Variants in SAFB2 observed in about 807,000 individuals in gnomAD.
SAFB2 encodes scaffold attachment factor B2.
Under a neutral mutation model 100.6 loss-of-function variants are expected in SAFB2, and 32 were observed. The observed-to-expected ratio is 0.32, with a 90% CI of 0.24 to 0.43. The LOEUF (loss-of-function observed/expected upper bound fraction) is 0.43. Among genes scored for constraint, SAFB2 ranks in the 20% least tolerant of loss-of-function variants. The pLI is 1.00. For synonymous variants in SAFB2, 500 were observed against 439.4 expected (o/e 1.14, Z -1.72); for missense variants, 1,185 against 1,163.4 (o/e 1.02, Z -0.27).
intron 2 of SAFB2, among the ~76,000 whole-genome samples, chr19:5,620,843 C>A (rs893603221): frequency 6.6e-6 from 1 of 152,164 alleles, no homozygotes; most frequent in Admixed American, 6.5e-5. Context: ...CCTTCACATT[C>A]AAAAACCGTA....
chr19:5,587,585 G>A lies in SAFB2; in HGVS notation c.2705+116C>T, dbSNP rs1015380902. The A allele has an allele frequency of 2.1e-6, 3 of 1,451,622 alleles. No homozygotes were observed. The highest frequency in any genetic ancestry group is 2.9e-5 in the African/African-American group (2 of 69,984). 89.9% of individuals were successfully genotyped at this position (1,451,622 alleles called of 1,614,324 possible). On this transcript the variant is annotated intron_variant, in intron 20 of 20. Transcript: ENST00000252542. The surrounding 1 kb of genome is among the most constrained non-coding windows in gnomAD (Gnocchi z 4.9). ...TTATTTGCATAAATTGCAAAGAGCT[G>A]CTTTTTGCTTTGTTTTCATAACATC...
At chr19:5,601,093 C>G (rs972190295) in intron 11 of SAFB2, among the ~76,000 whole-genome samples, 1 of 152,204 alleles carries the variant, frequency 6.6e-6, no homozygotes, top group East Asian at 1.9e-4. Context: ...GGAAGCCTCT[C>G]TGATTGCCCC....
chr19:5,593,754 T>C, intron 15 of SAFB2, 137 bp downstream of exon 15: 1 of 924,942 alleles, frequency 1.1e-6, no homozygotes, highest in Non-Finnish European at 1.5e-6. Context: ...CGGCGGGGGG[T>C]CCCCAAGGCG....
chr19:5,587,926 G>A lies in SAFB2; in HGVS notation c.2580C>T (p.Arg860=), dbSNP rs374459619. Residue 860 remains arginine, a synonymous_variant, in exon 19 of 21, where the codon CGC becomes CGT. Coordinates refer to ENST00000252542, the MANE Select transcript of SAFB2 (RefSeq NM_014649.3). The surrounding 1 kb of genome is among the most constrained non-coding windows in gnomAD (Gnocchi z 4.9). ...CTGCGTCCATGGCACCCTGCCAGGC[G>A]CGTGCCTGGTGCTCCTCTAGCCGCT... The part of the protein sequence containing the change: ...HNQRLEEHQA[R]AWQGAMDAGA... 1.8e-5 allele frequency: 29 copies of A among 1,612,704 alleles called. No individual in the cohort carries two copies. The highest frequency in any genetic ancestry group is 8.3e-5 in the Admixed American group (5 of 59,978).
In SAFB2 at chr19:5,598,673, C is replaced by T. The variant is rs1046684718; in HGVS notation, c.1782+120G>A. ...GTATCCGCAATCTACACAATTATCGCGCCTCCTACAAACTTCAATTTTAAA... is the reference window on the plus strand; with the variant it reads ...GTATCCGCAATCTACACAATTATCGTGCCTCCTACAAACTTCAATTTTAAA... On this transcript the variant is annotated intron_variant, in intron 13 of 20. Transcript: ENST00000252542. The T allele has an allele frequency of 6.7e-5, 54 of 803,396 alleles. 1 individual carries two copies. Among genetic ancestry groups the T allele is most frequent in the South Asian group, 5.5e-4 (36 of 65,862 alleles). 49.8% of individuals were successfully genotyped at this position (803,396 alleles called of 1,614,324 possible).
At chr19:5,591,861 G>A in intron 16 of SAFB2, 68 bp from the exon 17 acceptor site, 4 of 1,478,894 alleles carry the variant, frequency 2.7e-6, no homozygotes, top group Non-Finnish European at 3.8e-6. Context: ...GGTCAGGCAA[G>A]TTTCGCGACT....
At chr19:5,601,242 C>G (rs996712853) in intron 11 of SAFB2, among the ~76,000 whole-genome samples, 1 of 152,208 alleles carries the variant, frequency 6.6e-6, no homozygotes, top group African/African-American at 2.4e-5. Flanking sequence ...TAAATCATCT[C>G]ATCTCCTCTC....
At chr19:5,593,317 A>T (rs1457589103) in intron 15 of SAFB2, among the ~76,000 whole-genome samples, 1 of 152,246 alleles carries the variant, frequency 6.6e-6, no homozygotes, top group Non-Finnish European at 1.5e-5. Context: ...GGTGATAGTG[A>T]ACTACACACA....
At chr19:5,601,116 C>T (rs1177979911) in intron 11 of SAFB2, among the ~76,000 whole-genome samples, 1 of 152,156 alleles carries the variant, frequency 6.6e-6, no homozygotes, top group Non-Finnish European at 1.5e-5. Flanking sequence ...CTCCTCTGCC[C>T]TTCTCAACCT....
chr19:5,605,072 A>G (rs983359416), intron 9 of SAFB2, 136 bp from the exon 10 acceptor site: 5 of 974,876 alleles, frequency 5.1e-6, no homozygotes, highest in African/African-American at 4.9e-5. Context: ...TAGTTACTGA[A>G]TTGGTTCTAA....
intron 9 of SAFB2, among the ~76,000 whole-genome samples, chr19:5,608,542 T>C (rs1233788945): frequency 1.3e-5 from 2 of 152,322 alleles, no homozygotes; most frequent in African/African-American, 4.8e-5. Flanking sequence ...CCGGGTCCTG[T>C]CCGCTTCTTA....
intron 4 of SAFB2, chr19:5,613,731 G>C: frequency 2.0e-6 from 2 of 985,468 alleles, no homozygotes; most frequent in Non-Finnish European, 2.4e-6. Context: ...GTCTCTGGCA[G>C]TGGCCTGCAG....
intron 2 of SAFB2, among the ~76,000 whole-genome samples, chr19:5,620,711 C>T (rs1237608182): frequency 3.9e-5 from 6 of 152,166 alleles, no homozygotes; most frequent in African/African-American, 1.2e-4. Context: ...GACCGGGTTT[C>T]CTTTTTGGGT....
chr19:5,601,580 C>T (rs1163798650), intron 11 of SAFB2, among the ~76,000 whole-genome samples: 1 of 151,932 alleles, frequency 6.6e-6, no homozygotes, highest in East Asian at 1.9e-4. Context: ...GGCGTGGTGG[C>T]GCATGCCTGT....
intron 15 of SAFB2, among the ~76,000 whole-genome samples, chr19:5,593,470 T>C (rs985809556): frequency 2.0e-5 from 3 of 152,172 alleles, no homozygotes; most frequent in Non-Finnish European, 4.4e-5. Flanking sequence ...CAGAGGCAAT[T>C]TCCTTTTCCA....
intron 4 of SAFB2, 200 bp from the exon 5 acceptor site, chr19:5,613,727 G>A (rs1434850998): frequency 3.0e-6 from 3 of 985,306 alleles, no homozygotes; most frequent in Non-Finnish European, 3.6e-6. Flanking sequence ...CAGCGTCTCT[G>A]GCAGTGGCCT....
intron 9 of SAFB2, 101 bp from the exon 10 acceptor site, chr19:5,605,037 C>G: frequency 7.4e-7 from 1 of 1,350,178 alleles, no homozygotes; most frequent in Non-Finnish European, 1.0e-6. Flanking sequence ...TTTGTCACCT[C>G]TCCCCATATG....
intron 17 of SAFB2, among the ~76,000 whole-genome samples, chr19:5,591,125 C>T (rs2052390479): frequency 1.3e-5 from 2 of 152,142 alleles, no homozygotes; most frequent in Admixed American, 6.5e-5. Context: ...TCTTGGGGGA[C>T]CCCACAGGCA....
At chr19:5,618,599 C>T (rs2053081604) in intron 2 of SAFB2, among the ~76,000 whole-genome samples, 1 of 152,238 alleles carries the variant, frequency 6.6e-6, no homozygotes, top group Non-Finnish European at 1.5e-5. Flanking sequence ...ACTCAGCTGT[C>T]CCACTTCGCA....
Sources: allele counts gnomAD v4.1 joint callset (sites outside exome capture counted in the v4.1 genomes callset), GRCh38; gene constraint gnomAD v4.1.1; non-coding constraint Gnocchi (gnomAD v3.1); transcripts MANE v1.5; gene names NCBI Gene and HGNC (gene_info 2026-07-23, HGNC 2026-07-21).